STAG1: variants seen among roughly 807,000 people sequenced by gnomAD.
The protein encoded by STAG1 is cohesin subunit SA-1.
STAG1 carries 26 observed loss-of-function variants against 170.9 expected under a neutral mutation model. That is an observed-to-expected ratio of 0.15 (90% CI 0.11 to 0.21). The LOEUF is 0.21. Among genes scored for constraint, STAG1 ranks in the 10% least tolerant of loss-of-function variants. The pLI, the probability that STAG1 is intolerant of heterozygous loss-of-function variation, is 1.00. For synonymous variants in STAG1, 514 were observed against 497.7 expected, an observed-to-expected ratio of 1.03 and a Z score of -0.44; for missense variants, 964 against 1,509.5, an observed-to-expected ratio of 0.64 and a Z score of 5.99.
At chr3:136,583,319 CAATATA>C (rs1182160792) in intron 4 of STAG1, among the ~76,000 whole-genome samples, 2 of 151,982 alleles carry the variant, frequency 1.3e-5, no homozygotes, top group Non-Finnish European at 2.9e-5. Flanking sequence ...TTCTAGAACT[CAATATA>C]ATATCTATAA....
chr3:136,654,702 T>C lies in STAG1; in HGVS notation c.-83-23721A>G, dbSNP rs537642013. 5.3e-5 allele frequency among the ~76,000 whole-genome samples: 8 copies of C among 152,342 alleles called. No individual in the cohort carries two copies. The East Asian group carries it at 1.2e-3, about 22-fold the overall frequency. On this transcript the variant is annotated intron_variant, in intron 1 of 33. Transcript: ENST00000383202. ...ATCTTGAATTTGAGGAACAAGATAC[T>C]GAATCTTGAAGAACAAAGCTGGAAG...
chr3:136,498,284 TACAC>T (rs71157390), intron 9 of STAG1, among the ~76,000 whole-genome samples: 1,043 of 87,024 alleles, frequency 0.012, 13 homozygotes, highest in East Asian at 0.044. Context: ...CACACACACA[TACAC>T]ACACACACAC....
intron 1 of STAG1, among the ~76,000 whole-genome samples, chr3:136,728,146 G>A (rs970873565): frequency 1.3e-5 from 2 of 151,086 alleles, no homozygotes; most frequent in Admixed American, 6.6e-5. Flanking sequence ...CAACAAGTGC[G>A]AAAGCCCATT....
At chr3:136,623,562 AG>A (rs1939959872) in intron 2 of STAG1, among the ~76,000 whole-genome samples, 1 of 152,234 alleles carries the variant, frequency 6.6e-6, no homozygotes. Flanking sequence ...ATGAAGGCTT[AG>A]GAATATTTTT....
At chr3:136,678,131 A>C (rs1266336119) in intron 1 of STAG1, among the ~76,000 whole-genome samples, 3 of 150,918 alleles carry the variant, frequency 2.0e-5, no homozygotes, top group Non-Finnish European at 4.4e-5. Context: ...ATATTAATTT[A>C]TTAATTTTAT....
At chr3:136,544,105 T>C (rs572705904) in intron 5 of STAG1, among the ~76,000 whole-genome samples, 1 of 152,080 alleles carries the variant, frequency 6.6e-6, no homozygotes, top group South Asian at 2.1e-4. Context: ...ACCTCCAGAG[T>C]AGACATATCA....
chr3:136,723,282 G>A (rs1285171058), intron 1 of STAG1, among the ~76,000 whole-genome samples: 1 of 151,760 alleles, frequency 6.6e-6, no homozygotes. Flanking sequence ...CATCTAGGAA[G>A]TGAGGAGCGT....
chr3:136,715,954 C>T (rs1943530557), intron 1 of STAG1, among the ~76,000 whole-genome samples: 1 of 151,706 alleles, frequency 6.6e-6, no homozygotes, highest in Non-Finnish European at 1.5e-5. Context: ...AAAAAATTAG[C>T]CAGTGTAGTG....
chr3:136,618,260 G>A lies in STAG1; in HGVS notation c.132+4886C>T, dbSNP rs535382174. 3.9e-5 allele frequency among the ~76,000 whole-genome samples: 6 copies of A among 152,158 alleles called. No homozygotes were observed. In the East Asian group the frequency reaches 7.7e-4, roughly 20 times the overall value. Reference sequence around the variant, plus strand: ...GTCACTCTCTTTAAATTAGCCAATCGGAATTAGTTTAGCCTGGGTGGTCTA... The same window carrying A: ...GTCACTCTCTTTAAATTAGCCAATCAGAATTAGTTTAGCCTGGGTGGTCTA... On this transcript the variant is annotated intron_variant, in intron 3 of 33. Coordinates refer to ENST00000383202, the MANE Select transcript of STAG1 (RefSeq NM_005862.3).
intron 22 of STAG1, among the ~76,000 whole-genome samples, chr3:136,391,627 G>A (rs998298554): frequency 3.9e-5 from 6 of 152,098 alleles, no homozygotes; most frequent in East Asian, 1.9e-4. Context: ...TGCCCGCCTC[G>A]GCCTCCCAAA....
intron 1 of STAG1, among the ~76,000 whole-genome samples, chr3:136,696,444 AT>A (rs1235207111): frequency 2.0e-5 from 3 of 152,228 alleles, no homozygotes. Context: ...ACAACAGTGT[AT>A]GATTCTATAA....
Position 136,498,696 on chromosome 3 carries a change from A to T in STAG1, c.902+1527T>A, listed in dbSNP as rs1462412164. Among the ~76,000 whole-genome samples the T allele has an allele frequency of 6.1e-5, 9 of 148,254 alleles. No homozygotes were observed. In the Admixed American group the frequency reaches 6.1e-4, roughly 10 times the overall value. ...ATTAGACCTCCATAAAGTTGCAGTA[A>T]AAAAAAAAAAACAAAGACTGCATGG... On this transcript the variant is annotated intron_variant, in intron 9 of 33. Coordinates refer to ENST00000383202, the MANE Select transcript of STAG1 (RefSeq NM_005862.3).
intron 16 of STAG1, among the ~76,000 whole-genome samples, chr3:136,430,445 T>G (rs2107741913): frequency 6.6e-6 from 1 of 152,266 alleles, no homozygotes; most frequent in East Asian, 1.9e-4. Context: ...GTTCCATATC[T>G]TTTTCCCTTT....
intron 1 of STAG1, among the ~76,000 whole-genome samples, chr3:136,706,790 T>A (rs1394308575): frequency 6.6e-6 from 1 of 152,146 alleles, no homozygotes; most frequent in African/African-American, 2.4e-5. Context: ...AATTTGAGAC[T>A]AAAACTTTCC....
Position 136,477,704 on chromosome 3 carries a change from G to C in STAG1, c.903-292C>G, listed in dbSNP as rs192337596. ...CTGAGAGCCTCACAACTATTACAGAGCCAAGAAACATGTTAAACTTTCTAA... is the reference window on the plus strand; with the variant it reads ...CTGAGAGCCTCACAACTATTACAGACCCAAGAAACATGTTAAACTTTCTAA... On this transcript the variant is annotated intron_variant, in intron 9 of 33. Coordinates refer to ENST00000383202, the MANE Select transcript of STAG1 (RefSeq NM_005862.3). 1.9e-3 allele frequency among the ~76,000 whole-genome samples: 294 copies of C among 152,240 alleles called. 2 individuals are homozygous for C. Among genetic ancestry groups the C allele is most frequent in the Middle Eastern group, 0.01 (3 of 294 alleles).
chr3:136,711,061 AT>A (rs1371620140), intron 1 of STAG1, among the ~76,000 whole-genome samples: 9 of 142,604 alleles, frequency 6.3e-5, no homozygotes, highest in Non-Finnish European at 9.1e-5. Context: ...AAAAAGAAAA[AT>A]ATATATATAT....
intron 2 of STAG1, among the ~76,000 whole-genome samples, chr3:136,627,426 TA>T (rs372384940): frequency 3.9e-5 from 6 of 152,316 alleles, no homozygotes; most frequent in African/African-American, 1.4e-4. Context: ...AAAATATAAA[TA>T]TCAATATTTC....
At chr3:136,457,544 C>T (rs772832104) in intron 13 of STAG1, among the ~76,000 whole-genome samples, 55 of 152,224 alleles carry the variant, frequency 3.6e-4, no homozygotes, top group Admixed American at 1.1e-3. Context: ...TCCATACCAG[C>T]GTTGGCCCCC....
At chr3:136,623,297 A>C (rs1476860076) in intron 2 of STAG1, 49 bp from the exon 3 acceptor site, 3 of 1,545,744 alleles carry the variant, frequency 1.9e-6, no homozygotes, top group Non-Finnish European at 2.7e-6. Context: ...AGTATAATGC[A>C]TTTCTGTTTC....
Sources: gnomAD v4.1 joint callset for allele counts (sites outside exome capture counted in the v4.1 genomes callset) on GRCh38, gnomAD v4.1.1 for gene constraint, MANE v1.5 for transcripts, NCBI Gene and HGNC (gene_info 2026-07-23, HGNC 2026-07-21) for gene names.